Variants in CARS2 observed in about 807,000 individuals in gnomAD.
CARS2 encodes the protein cysteinyl-tRNA synthetase 2, mitochondrial, also known as probable cysteine--tRNA ligase, mitochondrial.
CARS2 carries 52 observed loss-of-function variants against 68.8 expected under a neutral mutation model. That is an observed-to-expected ratio of 0.76 (90% CI 0.61 to 0.95). The LOEUF (loss-of-function observed/expected upper bound fraction) is 0.95, where lower values mean the gene tolerates loss of function less well. CARS2 is among the 40% of genes least tolerant of loss of function. The pLI, the probability that CARS2 is intolerant of heterozygous loss-of-function variation, is 0.00. For missense variants in CARS2, 780 were observed against 754.2 expected (o/e 1.03, Z -0.40); for synonymous variants, 314 against 303.6 (o/e 1.03, Z -0.36).
chr13:110,667,398 A>G lies in CARS2; in HGVS notation c.861T>C (p.Ile287=). The G allele has an allele frequency of 6.2e-7, 1 of 1,613,802 alleles. No homozygotes were observed. Among genetic ancestry groups the G allele is most frequent in the Non-Finnish European group, 8.5e-7 (1 of 1,179,678 alleles). ...ACTGATGAAAGACTTCGCACTGTGC[A>G]ATTTCGTTTTCATGATGTGGAAAAG... The part of the protein sequence containing the change: ...DLAFPHHENE[I]AQCEVFHQCE... The change falls in exon 8 of 15, where the codon ATT becomes ATC. Residue 287 remains isoleucine (I), a synonymous_variant. Transcript: ENST00000257347.
At position 110,687,783 on chromosome 13, in the gene CARS2, G is replaced by A. The variant is rs918590287; in HGVS notation, c.509C>T (p.Pro170Leu). The change falls in exon 5 of 15, where the codon CCT becomes CTT. Residue 170 changes from proline (P) to leucine (L), a missense_variant. Coordinates refer to ENST00000257347, the MANE Select transcript of CARS2 (RefSeq NM_024537.4). ...TCCTTCAATGAAAGAAATTATCTGA[G>A]GAATATTTTCGGTTACCCTCAGGTA... ...TVYLRVTENI[P>L]QIISFIEGII... 2 of 1,613,320 alleles carry A rather than the reference G, an allele frequency of 1.2e-6. No homozygotes were observed. The highest frequency in any genetic ancestry group is 1.3e-5 in the African/African-American group (1 of 74,874).
chr13:110,666,054 C>T (rs532679227), intron 8 of CARS2: 49 of 985,340 alleles, frequency 5.0e-5, no homozygotes, highest in South Asian at 9.4e-5. Flanking sequence ...GCTCCCAGCA[C>T]GCTTCCTCTC....
intron 7 of CARS2, among the ~76,000 whole-genome samples, chr13:110,671,232 C>T (rs149390144): frequency 0.023 from 3,550 of 152,046 alleles, 122 homozygotes; most frequent in African/African-American, 0.067. Flanking sequence ...AGATACTCCT[C>T]GAGAAGAGCA....
intron 10 of CARS2, chr13:110,649,119 G>A (rs771848397): frequency 3.3e-5 from 5 of 152,254 alleles, no homozygotes; most frequent in African/African-American, 7.2e-5. Flanking sequence ...CTCACGGCAC[G>A]GCTGGGCTGC....
intron 7 of CARS2, among the ~76,000 whole-genome samples, chr13:110,669,594 G>A (rs553697508): frequency 1.8e-4 from 27 of 152,184 alleles, no homozygotes; most frequent in African/African-American, 6.0e-4. Flanking sequence ...TTCTGGTGCC[G>A]TTTCCAAGAT....
Position 110,695,775 on chromosome 13 carries a change from C to CTT in CARS2, c.393+5661_393+5662dup, listed in dbSNP as rs59287460. On this transcript the variant is annotated intron_variant, in intron 3 of 14. Coordinates refer to ENST00000257347, the MANE Select transcript of CARS2 (RefSeq NM_024537.4). Reference sequence around the variant, plus strand: ...GTTTACATTGGATAAAAAGAATTACCTTTTTTTTTTTTTAAATTATACTTT... The same window carrying CTT: ...GTTTACATTGGATAAAAAGAATTACCTTTTTTTTTTTTTTTAAATTATACTTT... 5.5e-5 allele frequency among the ~76,000 whole-genome samples: 8 copies of CTT among 144,460 alleles called. No individual in the cohort carries two copies. In the East Asian group the frequency reaches 8.0e-4, roughly 14 times the overall value. 94.8% of individuals were successfully genotyped at this position (144,460 alleles called of 152,430 possible). A position where few individuals can be genotyped will look rare whatever the true frequency, so the allele number is the denominator to read the frequency against.
intron 9 of CARS2, 157 bp from the exon 10 acceptor site, chr13:110,651,257 C>T (rs1408923724): frequency 1.8e-6 from 1 of 565,358 alleles, no homozygotes; most frequent in Non-Finnish European, 3.1e-6. Flanking sequence ...CAATTACCAC[C>T]TGTTTCCTGG....
At chr13:110,683,950 GAGCCTCCTGCA>G (rs1338522292) in intron 5 of CARS2, among the ~76,000 whole-genome samples, 4 of 152,252 alleles carry the variant, frequency 2.6e-5, no homozygotes, top group Non-Finnish European at 4.4e-5. Context: ...ACCTTCTCCA[GAGCCTCCTGCA>G]AGCCTGGGCT....
At chr13:110,696,433 T>C (rs1191587573) in intron 3 of CARS2, among the ~76,000 whole-genome samples, 1 of 152,238 alleles carries the variant, frequency 6.6e-6, no homozygotes, top group Non-Finnish European at 1.5e-5. Flanking sequence ...CCAGCATCTG[T>C]TGTTTCCTGA....
intron 10 of CARS2, 27 bp from the exon 11 acceptor site, chr13:110,647,266 G>T: frequency 1.2e-6 from 2 of 1,604,796 alleles, no homozygotes; most frequent in Non-Finnish European, 1.7e-6. Flanking sequence ...GGTCACTGAG[G>T]CGGTGCCCAC....
In CARS2 at chr13:110,705,342, G is replaced by T. The variant is rs569737007; in HGVS notation, c.275+179C>A. 1.1e-4 allele frequency among the ~76,000 whole-genome samples: 16 copies of T among 152,340 alleles called. 1 individual carries two copies. In the East Asian group the frequency reaches 3.1e-3, roughly 29 times the overall value. On this transcript the variant is annotated intron_variant, in intron 2 of 14. Coordinates refer to ENST00000257347, the MANE Select transcript of CARS2 (RefSeq NM_024537.4). The surrounding 1 kb of genome is among the most constrained non-coding windows in gnomAD (Gnocchi z 4.0). ...GAGTTTCCTCACCTGTAAAACGGGT[G>T]TAAGTGCTCAGAATCCCTATAAGAA...
rs949370148 is a variant in CARS2, at chr13:110,668,705, T to C, written c.786-1232A>G. Among the ~76,000 whole-genome samples, 1 of 152,148 alleles carries C rather than the reference T, an allele frequency of 6.6e-6. No homozygotes were observed. The highest frequency in any genetic ancestry group is 1.5e-5 in the Non-Finnish European group (1 of 68,042). On this transcript the variant is annotated intron_variant, in intron 7 of 14. Coordinates refer to ENST00000257347, the MANE Select transcript of CARS2 (RefSeq NM_024537.4). This position sits in a 1 kb window ranked among gnomAD's most constrained non-coding sequence, Gnocchi z 4.1. ...GATGGGCAATTCTCCCTTCCGAAGA[T>C]CTGAAGCCAACACAACGACGTGAAA...
chr13:110,671,826 C>T (rs573497384), intron 7 of CARS2, among the ~76,000 whole-genome samples: 13 of 152,134 alleles, frequency 8.5e-5, no homozygotes, highest in Admixed American at 2.0e-4. Flanking sequence ...ACCCATCTCA[C>T]GTGCAGAGAC....
intron 6 of CARS2, among the ~76,000 whole-genome samples, chr13:110,679,589 A>AAGAGAGAGAG (rs1280508774): frequency 0.068 from 5,618 of 82,362 alleles, 114 homozygotes; most frequent in Admixed American, 0.13. Flanking sequence ...GAAAGAAAGA[A>AAGAGAGAGAG]AGAAAGAAAG....
rs948688494 is a variant in CARS2 at position 110,706,056 on chromosome 13, G to A, written c.38C>T (p.Pro13Leu). The change falls in exon 1 of 15, where the codon CCG becomes CTG. Residue 13 changes from proline to leucine, a missense_variant. Coordinates refer to ENST00000257347, the MANE Select transcript of CARS2 (RefSeq NM_024537.4). The stretch of plus-strand genomic sequence containing the variant: ...AAGGCCCAGCGCGGCCTGGAGCAGC[G>A]GGGGGCCCAGGCCTGGGCCGCGCGT... ...RTTRGPGLGP[P>L]LLQAALGLGR... is the part of the protein sequence containing the mutation. 1.3e-5 allele frequency: 17 copies of A among 1,358,178 alleles called. No homozygotes were observed. The highest frequency in any genetic ancestry group is 5.4e-5 in the South Asian group (3 of 55,070). 84.1% of individuals were successfully genotyped at this position (1,358,178 alleles called of 1,614,324 possible).
At chr13:110,658,895 C>T (rs988753773) in intron 9 of CARS2, among the ~76,000 whole-genome samples, 1 of 152,100 alleles carries the variant, frequency 6.6e-6, no homozygotes, top group Admixed American at 6.5e-5. Context: ...CGCCACTGTA[C>T]TCCAGCCTGG....
chr13:110,691,780 G>C (rs1430477284), intron 3 of CARS2, among the ~76,000 whole-genome samples: 1 of 151,772 alleles, frequency 6.6e-6, no homozygotes, highest in Non-Finnish European at 1.5e-5. Context: ...TTTAATTTCT[G>C]CAGGCTTTAA....
chr13:110,713,487 G>T (rs1175617386), exon 1 of CARS2: 1 of 987,748 alleles, frequency 1.0e-6, no homozygotes, highest in Non-Finnish European at 1.2e-6. Flanking sequence ...CGGCCCTGAC[G>T]CTGTCCCCTC....
Position 110,705,768 on chromosome 13 carries a change from T to C in CARS2, c.224+102A>G, listed in dbSNP as rs1206580022. On this transcript the variant is annotated intron_variant, in intron 1 of 14. Coordinates refer to ENST00000257347, the MANE Select transcript of CARS2 (RefSeq NM_024537.4). The surrounding 1 kb of genome is among the most constrained non-coding windows in gnomAD (Gnocchi z 4.0). ...CCAGCTTCTAGAACGGCGCCCTCCA[T>C]GCAGCTTCCTAAACGCCCTCCCCGA... 12 of 1,532,038 alleles carry C rather than the reference T, an allele frequency of 7.8e-6. No individual in the cohort carries two copies. The highest frequency in any genetic ancestry group is 6.0e-5 in the South Asian group (5 of 83,098). The allele number at this position is 1,532,038 out of a possible 1,614,324, so 94.9% of individuals were successfully genotyped here.
Sources: gnomAD v4.1 joint callset for allele counts (sites outside exome capture counted in the v4.1 genomes callset) on GRCh38, gnomAD v4.1.1 for gene constraint, Gnocchi (gnomAD v3.1) non-coding constraint, MANE v1.5 for transcripts, NCBI Gene and HGNC (gene_info 2026-07-23, HGNC 2026-07-21) for gene names.